MSH4: variants seen among roughly 807,000 people sequenced by gnomAD.
MSH4 encodes mutS homolog 4, also known as mutS protein homolog 4.
A neutral mutation model predicts 113.7 loss-of-function variants in MSH4; 106 were observed. The ratio of observed to expected loss-of-function variants is 0.93; its 90% CI spans 0.80 to 1.10. MSH4 has a LOEUF of 1.10. Ranked by LOEUF, MSH4 falls within the 50% of genes least tolerant of loss-of-function variation. The pLI, the probability that MSH4 is intolerant of heterozygous loss-of-function variation, is 0.00. For synonymous variants in MSH4, 368 were observed against 380.2 expected, an observed-to-expected ratio of 0.97 and a Z score of 0.37; for missense variants, 1,061 against 1,093.7, an observed-to-expected ratio of 0.97 and a Z score of 0.42.
chr1:75,896,060 G>T (rs142989909), intron 17 of MSH4, among the ~76,000 whole-genome samples: 1 of 152,024 alleles, frequency 6.6e-6, no homozygotes, highest in Non-Finnish European at 1.5e-5. Flanking sequence ...AGGGTGGATG[G>T]GTCCCATCCA....
At chr1:75,843,388 A>G (rs1651007659) in intron 7 of MSH4, among the ~76,000 whole-genome samples, 1 of 152,132 alleles carries the variant, frequency 6.6e-6, no homozygotes. Flanking sequence ...GCTGGACCCT[A>G]CAGAAAACGA....
At chr1:75,857,723 A>C (rs1220945709) in intron 8 of MSH4, among the ~76,000 whole-genome samples, 1 of 150,546 alleles carries the variant, frequency 6.6e-6, no homozygotes, top group Non-Finnish European at 1.5e-5. Flanking sequence ...AGGTACCGTG[A>C]TGCTTTGTTT....
intron 17 of MSH4, among the ~76,000 whole-genome samples, chr1:75,894,464 C>T (rs776474097): frequency 8.5e-5 from 13 of 152,150 alleles, no homozygotes; most frequent in Non-Finnish European, 1.9e-4. Flanking sequence ...TACTGCATGC[C>T]CAGTCTGTCG....
At chr1:75,844,101 A>G (rs1425029391) in intron 7 of MSH4, among the ~76,000 whole-genome samples, 1 of 151,964 alleles carries the variant, frequency 6.6e-6, no homozygotes, top group East Asian at 1.9e-4. Flanking sequence ...GTAAGCCACC[A>G]CGCCCGGCTC....
chr1:75,868,190 G>A (rs901988048), intron 9 of MSH4, among the ~76,000 whole-genome samples: 2 of 152,000 alleles, frequency 1.3e-5, no homozygotes, highest in African/African-American at 4.8e-5. Context: ...ACTCTATGAT[G>A]TATCCTTTTT....
Position 75,848,286 on chromosome 1 carries a change from TG to T in MSH4, c.1230+11del. ...TCCAAAGCAAGACACGGTATGTTTT[TG>T]TATACATTTTGTATTATATTATTAT... On this transcript the variant is annotated intron_variant, in intron 8 of 19. Transcript: ENST00000263187. 1.9e-6 allele frequency: 3 copies of T among 1,558,164 alleles called. No individual in the cohort carries two copies. Among genetic ancestry groups the T allele is most frequent in the Non-Finnish European group, 2.7e-6 (3 of 1,131,552 alleles).
At chr1:75,848,782 T>C (rs1389120706) in intron 8 of MSH4, among the ~76,000 whole-genome samples, 2 of 152,130 alleles carry the variant, frequency 1.3e-5, no homozygotes, top group Non-Finnish European at 1.5e-5. Context: ...TGGCCTATTT[T>C]CACTGATCAA....
intron 1 of MSH4, among the ~76,000 whole-genome samples, chr1:75,798,038 A>T (rs1292184394): frequency 6.6e-6 from 1 of 152,172 alleles, no homozygotes; most frequent in African/African-American, 2.4e-5. Flanking sequence ...TTCACACACG[A>T]TTGCAACACA....
At chr1:75,815,257 T>C (rs554214949) in intron 5 of MSH4, 121 bp downstream of exon 5, 125 of 535,552 alleles carry the variant, frequency 2.3e-4, no homozygotes, top group Admixed American at 7.0e-4. Context: ...GCAGGGACTT[T>C]TGTCTGTTTT....
intron 9 of MSH4, 113 bp downstream of exon 9, chr1:75,867,701 TA>T: frequency 1.5e-6 from 1 of 682,558 alleles, no homozygotes; most frequent in Non-Finnish European, 2.5e-6. Flanking sequence ...GAATTTCCCA[TA>T]TTTTTTTTCT....
At chr1:75,824,843 C>A (rs771564535) in intron 7 of MSH4, among the ~76,000 whole-genome samples, 1 of 148,680 alleles carries the variant, frequency 6.7e-6, no homozygotes, top group Non-Finnish European at 1.5e-5. Context: ...AGTACCATAC[C>A]GTTTTAGTTA....
intron 19 of MSH4, among the ~76,000 whole-genome samples, chr1:75,903,898 C>T (rs978715713): frequency 6.6e-6 from 1 of 152,072 alleles, no homozygotes; most frequent in African/African-American, 2.4e-5. Flanking sequence ...ACATCCAGTA[C>T]TATGTTGAAT....
At chr1:75,821,732 C>T (rs1650418617) in intron 6 of MSH4, among the ~76,000 whole-genome samples, 1 of 152,160 alleles carries the variant, frequency 6.6e-6, no homozygotes, top group Non-Finnish European at 1.5e-5. Flanking sequence ...TCTCAGCCTC[C>T]TGACTAACTG....
intron 7 of MSH4, among the ~76,000 whole-genome samples, chr1:75,826,587 T>G (rs893597798): frequency 3.3e-5 from 5 of 152,216 alleles, no homozygotes; most frequent in Non-Finnish European, 7.4e-5. Context: ...CACTCTCTGA[T>G]GTGGGCATTT....
At chr1:75,835,365 T>C (rs1303697607) in intron 7 of MSH4, among the ~76,000 whole-genome samples, 1 of 152,192 alleles carries the variant, frequency 6.6e-6, no homozygotes, top group South Asian at 2.1e-4. Context: ...TTTTTAACTA[T>C]CCTTTTCTTG....
At chr1:75,844,662 G>A (rs1304187042) in intron 7 of MSH4, among the ~76,000 whole-genome samples, 1 of 152,130 alleles carries the variant, frequency 6.6e-6, no homozygotes. Flanking sequence ...AATACCTGGG[G>A]ATATTTAAAA....
intron 7 of MSH4, among the ~76,000 whole-genome samples, chr1:75,825,376 G>T (rs1034624579): frequency 6.6e-6 from 1 of 151,952 alleles, no homozygotes; most frequent in Non-Finnish European, 1.5e-5. Context: ...GAGACGATGG[G>T]GTTTTCTAAA....
At chr1:75,894,442 G>A (rs1652328496) in intron 17 of MSH4, among the ~76,000 whole-genome samples, 1 of 152,192 alleles carries the variant, frequency 6.6e-6, no homozygotes, top group Non-Finnish European at 1.5e-5. Context: ...AGACTGACCT[G>A]GCTATAGCCA....
chr1:75,835,590 A>G (rs1462415839), intron 7 of MSH4, among the ~76,000 whole-genome samples: 2 of 152,038 alleles, frequency 1.3e-5, no homozygotes, highest in African/African-American at 2.4e-5. Flanking sequence ...TAATTCCTCC[A>G]TCTGTTCCCT....
Sources: gnomAD v4.1 joint callset for allele counts (sites outside exome capture counted in the v4.1 genomes callset) on GRCh38, gnomAD v4.1.1 for gene constraint, MANE v1.5 for transcripts, NCBI Gene and HGNC (gene_info 2026-07-23, HGNC 2026-07-21) for gene names.